Variants in CHST15 observed in about 807,000 individuals in gnomAD.
CHST15 encodes B cell RAG associated protein (GALNAC4S-6ST).
CHST15 carries 30 observed loss-of-function variants against 53.6 expected under a neutral mutation model. That is an observed-to-expected ratio of 0.56 (90% CI 0.42 to 0.76). The LOEUF (loss-of-function observed/expected upper bound fraction) is 0.76. Among genes scored for constraint, CHST15 ranks in the 30% least tolerant of loss-of-function variants. The probability of loss-of-function intolerance (pLI) is 0.00; values close to 1 mark genes in which losing one functional copy is unlikely to be tolerated. For synonymous variants in CHST15, 296 were observed against 289.8 expected, an observed-to-expected ratio of 1.02 and a Z score of -0.22; for missense variants, 627 against 740.5, an observed-to-expected ratio of 0.85 and a Z score of 1.78.
intron 1 of CHST15, among the ~76,000 whole-genome samples, chr10:124,087,157 T>TA (rs1330943971): frequency 1.3e-5 from 2 of 152,162 alleles, no homozygotes; most frequent in Non-Finnish European, 2.9e-5. Flanking sequence ...CTCGACCTCT[T>TA]AGACTCTGAA....
intron 6 of CHST15, among the ~76,000 whole-genome samples, chr10:124,016,021 T>C (rs1946574562): frequency 6.6e-6 from 1 of 152,044 alleles, no homozygotes; most frequent in Non-Finnish European, 1.5e-5. Flanking sequence ...ATTCAGGAGG[T>C]CTGGGACTGG....
At chr10:124,061,895 C>A (rs1948586241) in intron 1 of CHST15, among the ~76,000 whole-genome samples, 1 of 151,934 alleles carries the variant, frequency 6.6e-6, no homozygotes, top group Non-Finnish European at 1.5e-5. Context: ...CAGAGGTGGG[C>A]TAAAGACTGC....
Position 124,009,195 on chromosome 10 carries a change from TG to T in CHST15, c.*953del. 8.6e-7 allele frequency: 1 copy of T among 1,164,352 alleles called. No individual in the cohort carries two copies. Among genetic ancestry groups the T allele is most frequent in the Middle Eastern group, 3.4e-4 (1 of 2,938 alleles). 72.1% of individuals were successfully genotyped at this position (1,164,352 alleles called of 1,614,324 possible). A position where few individuals can be genotyped will look rare whatever the true frequency, so the allele number is the denominator to read the frequency against. ...TTCTCTGATGATCTTGTAAACCTGA[TG>T]AGGGCTTGAATTACCTAGATTTTCC... is the stretch of plus-strand genomic sequence containing the variant. On this transcript the variant is annotated 3_prime_UTR_variant, in exon 8 of 8. Transcript: ENST00000435907.
At chr10:124,045,129 A>AAAACAAAC (rs1564882183) in intron 2 of CHST15, among the ~76,000 whole-genome samples, 5 of 148,184 alleles carry the variant, frequency 3.4e-5, no homozygotes, top group African/African-American at 1.3e-4. Flanking sequence ...AAAAAAAAAA[A>AAAACAAAC]AAAAAAAAAA....
In CHST15 at chr10:124,036,330, C is replaced by T. The variant is rs755426555; in HGVS notation, c.1190+2185G>A. ...CCAGCAGGTGGGACATGGCAAGGGA[C>T]GGCAAGTCAGTGCCTGCCTCAGAAC... On this transcript the variant is annotated intron_variant, in intron 5 of 7. Transcript: ENST00000435907. The surrounding 1 kb of genome is among the most constrained non-coding windows in gnomAD (Gnocchi z 5.1). Among the ~76,000 whole-genome samples the T allele has an allele frequency of 2.0e-5, 3 of 152,182 alleles. No individual in the cohort carries two copies. The highest frequency in any genetic ancestry group is 4.8e-5 in the African/African-American group (2 of 41,448).
intron 4 of CHST15, among the ~76,000 whole-genome samples, chr10:124,041,892 C>T (rs548468606): frequency 2.0e-3 from 301 of 152,240 alleles, no homozygotes; most frequent in African/African-American, 7.0e-3. Context: ...GTCCCAGTGG[C>T]CAGGGATTAC....
intron 1 of CHST15, among the ~76,000 whole-genome samples, chr10:124,079,155 T>C (rs1369333090): frequency 6.6e-6 from 1 of 152,192 alleles, no homozygotes; most frequent in African/African-American, 2.4e-5. Context: ...TTTCCATTTA[T>C]TAAAATGTAG....
intron 6 of CHST15, among the ~76,000 whole-genome samples, chr10:124,015,669 G>A (rs2133834855): frequency 6.6e-6 from 1 of 152,352 alleles, no homozygotes; most frequent in African/African-American, 2.4e-5. Context: ...CAAATAAGCT[G>A]AGCTCGTGCC....
chr10:124,077,220 G>A (rs894752932), intron 1 of CHST15, among the ~76,000 whole-genome samples: 7 of 152,166 alleles, frequency 4.6e-5, no homozygotes, highest in South Asian at 2.1e-4. Flanking sequence ...GCTCATCTTG[G>A]GTTTGAGCAG....
At chr10:124,020,945 T>TG in intron 6 of CHST15, 5 of 1,390,790 alleles carry the variant, frequency 3.6e-6, no homozygotes, top group Admixed American at 6.7e-5. Flanking sequence ...GGTGTCCTCA[T>TG]GTCTGCCGAT....
At chr10:124,062,984 T>C (rs1332015728) in intron 1 of CHST15, among the ~76,000 whole-genome samples, 1 of 152,154 alleles carries the variant, frequency 6.6e-6, no homozygotes, top group Non-Finnish European at 1.5e-5. Flanking sequence ...TTGGAGAGGC[T>C]GGGAGAGAGC....
At chr10:124,012,745 G>A (rs1056883674) in intron 6 of CHST15, among the ~76,000 whole-genome samples, 1 of 152,214 alleles carries the variant, frequency 6.6e-6, no homozygotes, top group Non-Finnish European at 1.5e-5. Context: ...TCACAGGTAA[G>A]GACTGAAGTG....
At chr10:124,068,423 C>T (rs117313166) in intron 1 of CHST15, among the ~76,000 whole-genome samples, 2 of 152,250 alleles carry the variant, frequency 1.3e-5, no homozygotes, top group East Asian at 1.9e-4. Context: ...GTTCAGGAAT[C>T]GTTGGCAGTG....
At chr10:124,045,105 C>T (rs149045808) in intron 2 of CHST15, among the ~76,000 whole-genome samples, 186 bp from the exon 3 acceptor site, 7,960 of 83,336 alleles carry the variant, frequency 0.096, 880 homozygotes, top group African/African-American at 0.27. Flanking sequence ...TCTCCCCCGC[C>T]GCCCCACAAA....
At chr10:124,015,371 T>C (rs116207066) in intron 6 of CHST15, among the ~76,000 whole-genome samples, 1,990 of 141,122 alleles carry the variant, frequency 0.014, 37 homozygotes, top group African/African-American at 0.047. Context: ...GATTCACCAA[T>C]AGAAACATGG....
At position 124,046,372 on chromosome 10, in the gene CHST15, C is replaced by A; in HGVS notation, c.-160G>T. 1.5e-6 allele frequency: 1 copy of A among 645,728 alleles called. No homozygotes were observed. The highest frequency in any genetic ancestry group is 3.2e-5 in the Admixed American group (1 of 30,994). 40.0% of individuals were successfully genotyped at this position (645,728 alleles called of 1,614,324 possible). On this transcript the variant is annotated 5_prime_UTR_variant, in exon 2 of 8. An upstream open reading frame in the 5' UTR loses its in-frame stop. Coordinates refer to ENST00000435907, the MANE Select transcript of CHST15 (RefSeq NM_001270764.2). ...ACAAAAATAAGCAGACACCACAGCACTAGAGAAAGAGGGTGCACATTCTTT... is the reference window on the plus strand; with the variant it reads ...ACAAAAATAAGCAGACACCACAGCAATAGAGAAAGAGGGTGCACATTCTTT...
intron 1 of CHST15, among the ~76,000 whole-genome samples, chr10:124,070,805 T>A (rs528857370): frequency 6.6e-6 from 1 of 152,190 alleles, no homozygotes; most frequent in East Asian, 1.9e-4. Flanking sequence ...CAGAATCCAA[T>A]GAAGAAGAGG....
chr10:124,045,131 A>AC (rs1490936650), intron 2 of CHST15, among the ~76,000 whole-genome samples: 2,911 of 111,756 alleles, frequency 0.026, 150 homozygotes, highest in African/African-American at 0.091. Context: ...AAAAAAAAAA[A>AC]AAAAAAAAAA....
intron 1 of CHST15, among the ~76,000 whole-genome samples, chr10:124,069,895 C>T (rs763007684): frequency 3.9e-5 from 6 of 152,190 alleles, no homozygotes; most frequent in Non-Finnish European, 8.8e-5. Context: ...ATACTGAGGG[C>T]AAAGAAGTCA....
Sources: gnomAD v4.1 joint callset for allele counts (sites outside exome capture counted in the v4.1 genomes callset) on GRCh38, gnomAD v4.1.1 for gene constraint, Gnocchi (gnomAD v3.1) non-coding constraint, MANE v1.5 for transcripts, NCBI Gene and HGNC (gene_info 2026-07-23, HGNC 2026-07-21) for gene names.